The following SYT16 variants were observed in gnomAD, a reference collection of about 807,000 sequenced individuals.
The protein encoded by SYT16 is synaptotagmin-16.
A neutral mutation model predicts 61.4 loss-of-function variants in SYT16; 42 were observed. The observed-to-expected ratio is 0.68, with a 90% CI of 0.53 to 0.89. The LOEUF (loss-of-function observed/expected upper bound fraction) is 0.89, where lower values mean the gene tolerates loss of function less well. SYT16 is among the 40% of genes least tolerant of loss of function. The pLI, the probability that SYT16 is intolerant of heterozygous loss-of-function variation, is 0.00. For missense variants in SYT16, 804 were observed against 807.3 expected, an observed-to-expected ratio of 1.00 and a Z score of 0.05; for synonymous variants, 314 against 302.3, an observed-to-expected ratio of 1.04 and a Z score of -0.40.
chr14:62,013,499 C>A (rs1805304226), intron 3 of SYT16, among the ~76,000 whole-genome samples: 2 of 152,184 alleles, frequency 1.3e-5, no homozygotes, highest in Non-Finnish European at 2.9e-5. Context: ...TCTCCATTTC[C>A]TCCTGCCTGC....
At chr14:62,082,651 C>CT (rs2056749926) in intron 6 of SYT16, among the ~76,000 whole-genome samples, 1 of 152,130 alleles carries the variant, frequency 6.6e-6, no homozygotes, top group Admixed American at 6.5e-5. Context: ...TCAGATCTCC[C>CT]TTTTTTCTTA....
chr14:61,902,889 TG>T (rs2048572570), intron 1 of SYT16, among the ~76,000 whole-genome samples: 1 of 152,080 alleles, frequency 6.6e-6, no homozygotes, highest in Admixed American at 6.6e-5. Context: ...GAGAACAGTA[TG>T]GGGGAAACTG....
intron 1 of SYT16, among the ~76,000 whole-genome samples, chr14:61,838,604 C>T (rs1157662092): frequency 4.6e-5 from 7 of 152,188 alleles, no homozygotes; most frequent in Non-Finnish European, 8.8e-5. Flanking sequence ...ATATTCCTGT[C>T]CTTTCCCTTT....
At chr14:62,000,894 C>A (rs182028881) in intron 3 of SYT16, among the ~76,000 whole-genome samples, 1 of 151,950 alleles carries the variant, frequency 6.6e-6, no homozygotes. Flanking sequence ...ACGTATAATA[C>A]GCTGATACTG....
chr14:61,851,511 A>G (rs1427990390), intron 1 of SYT16, among the ~76,000 whole-genome samples: 1 of 152,144 alleles, frequency 6.6e-6, no homozygotes, highest in African/African-American at 2.4e-5. Context: ...GGTTGAACTA[A>G]CTTACACTCC....
At chr14:61,907,964 A>G (rs1045072965) in intron 1 of SYT16, among the ~76,000 whole-genome samples, 7 of 152,254 alleles carry the variant, frequency 4.6e-5, no homozygotes, top group Non-Finnish European at 1.0e-4. Context: ...ACAGAGCATG[A>G]GAGACTTTGT....
chr14:62,089,369 C>G (rs1033542968), intron 7 of SYT16, among the ~76,000 whole-genome samples: 7 of 150,834 alleles, frequency 4.6e-5, no homozygotes. Flanking sequence ...GGTATCTTTT[C>G]TAGTGTCCTC....
At chr14:62,095,673 AG>A (rs920599336) in intron 7 of SYT16, among the ~76,000 whole-genome samples, 7 of 152,102 alleles carry the variant, frequency 4.6e-5, no homozygotes, top group Admixed American at 2.6e-4. Flanking sequence ...TAAAAACAAC[AG>A]TTTTTTTTCC....
intron 1 of SYT16, among the ~76,000 whole-genome samples, chr14:61,890,843 G>C (rs1467149494): frequency 6.6e-6 from 1 of 152,154 alleles, no homozygotes; most frequent in East Asian, 1.9e-4. Flanking sequence ...TGGTGAATGA[G>C]GAAAATTAGC....
At chr14:61,941,998 A>T (rs916578091) in intron 1 of SYT16, among the ~76,000 whole-genome samples, 8 of 152,270 alleles carry the variant, frequency 5.3e-5, no homozygotes, top group East Asian at 1.9e-4. Context: ...AAATGTATTT[A>T]TGAATATGAA....
At chr14:62,066,476 A>G (rs1179573051) in intron 3 of SYT16, among the ~76,000 whole-genome samples, 1 of 152,228 alleles carries the variant, frequency 6.6e-6, no homozygotes, top group Non-Finnish European at 1.5e-5. Flanking sequence ...TAAGTGTGTT[A>G]TTATTGCTAG....
intron 1 of SYT16, among the ~76,000 whole-genome samples, chr14:61,904,565 G>A (rs1054269313): frequency 5.9e-5 from 9 of 152,204 alleles, no homozygotes; most frequent in Admixed American, 1.3e-4. Flanking sequence ...GAAATGGTAT[G>A]TGGAGCTAAT....
At chr14:61,889,198 T>C (rs754777898) in intron 1 of SYT16, among the ~76,000 whole-genome samples, 3 of 152,162 alleles carry the variant, frequency 2.0e-5, no homozygotes, top group Non-Finnish European at 4.4e-5. Context: ...TTATAACCAC[T>C]GAGCAGGGTA....
At chr14:61,899,847 A>C (rs1015273963) in intron 1 of SYT16, among the ~76,000 whole-genome samples, 2 of 152,208 alleles carry the variant, frequency 1.3e-5, no homozygotes, top group Admixed American at 1.3e-4. Flanking sequence ...GAAATCAATC[A>C]GTGAATCTCC....
intron 3 of SYT16, among the ~76,000 whole-genome samples, chr14:62,006,945 G>A (rs1367111829): frequency 2.0e-5 from 3 of 152,086 alleles, no homozygotes; most frequent in East Asian, 3.8e-4. Flanking sequence ...AACAATCTCG[G>A]AACGTACTTA....
intron 2 of SYT16, among the ~76,000 whole-genome samples, chr14:61,985,553 G>C (rs766830049): frequency 6.6e-6 from 1 of 152,170 alleles, no homozygotes; most frequent in Non-Finnish European, 1.5e-5. Flanking sequence ...GTATCTTTCA[G>C]AGACAGACCA....
chr14:62,020,342 T>A (rs963143726), intron 3 of SYT16, among the ~76,000 whole-genome samples: 6 of 152,214 alleles, frequency 3.9e-5, no homozygotes, highest in Non-Finnish European at 7.3e-5. Flanking sequence ...TATAATATAA[T>A]ATATAATAAT....
At chr14:62,036,340 G>T (rs2054507207) in intron 3 of SYT16, among the ~76,000 whole-genome samples, 1 of 152,108 alleles carries the variant, frequency 6.6e-6, no homozygotes, top group South Asian at 2.1e-4. Context: ...GCGGAGATGG[G>T]CAGGGTGGGG....
At chr14:61,967,841 T>A (rs1252704185) in intron 1 of SYT16, among the ~76,000 whole-genome samples, 1 of 152,138 alleles carries the variant, frequency 6.6e-6, no homozygotes, top group African/African-American at 2.4e-5. Context: ...ATAAATGAAA[T>A]GACTTATACA....
Sources: gnomAD v4.1 joint callset for allele counts (sites outside exome capture counted in the v4.1 genomes callset) on GRCh38, gnomAD v4.1.1 for gene constraint, MANE v1.5 for transcripts, NCBI Gene and HGNC (gene_info 2026-07-23, HGNC 2026-07-21) for gene names.